The following ARHGAP22 variants were observed in gnomAD, a reference collection of about 807,000 sequenced individuals.
The protein encoded by ARHGAP22 is rho GTPase-activating protein 22.
Under a neutral mutation model 59.1 loss-of-function variants are expected in ARHGAP22, and 48 were observed. The ratio of observed to expected loss-of-function variants is 0.81; its 90% CI spans 0.64 to 1.03. The LOEUF is 1.03. Among genes scored for constraint, ARHGAP22 ranks in the 50% least tolerant of loss-of-function variants. ARHGAP22 has a pLI of 0.00. For missense variants in ARHGAP22, 1,015 were observed against 958.7 expected, an observed-to-expected ratio of 1.06 and a Z score of -0.78; for synonymous variants, 445 against 416.4, an observed-to-expected ratio of 1.07 and a Z score of -0.84.
intron 2 of ARHGAP22, among the ~76,000 whole-genome samples, chr10:48,568,189 A>G: frequency 6.6e-6 from 1 of 152,144 alleles, no homozygotes; most frequent in East Asian, 1.9e-4. Flanking sequence ...GTTCTGGCTC[A>G]AGCTGTGATG....
At chr10:48,464,624 G>A (rs565762785) in intron 4 of ARHGAP22, among the ~76,000 whole-genome samples, 1 of 152,316 alleles carries the variant, frequency 6.6e-6, no homozygotes, top group South Asian at 2.1e-4. Context: ...CTGAGGTGGG[G>A]ACACGGGAAA....
chr10:48,523,098 CG>C (rs1418121534), intron 3 of ARHGAP22, among the ~76,000 whole-genome samples: 2 of 152,224 alleles, frequency 1.3e-5, no homozygotes, highest in Non-Finnish European at 2.9e-5. Flanking sequence ...ATACACTTTT[CG>C]GAGGAAGGAA....
chr10:48,608,640 G>A (rs1026756858), upstream of ARHGAP22, among the ~76,000 whole-genome samples: 14 of 152,234 alleles, frequency 9.2e-5, no homozygotes, highest in East Asian at 1.2e-3. Flanking sequence ...GGTCGATGCC[G>A]CAGCTCCCTT....
intron 1 of ARHGAP22, among the ~76,000 whole-genome samples, chr10:48,602,374 C>A (rs896788020): frequency 4.0e-5 from 6 of 151,408 alleles, no homozygotes; most frequent in Non-Finnish European, 8.8e-5. Flanking sequence ...TTAATAGCAT[C>A]AACAATTTTA....
At chr10:48,599,364 T>G (rs554296164) in intron 1 of ARHGAP22, among the ~76,000 whole-genome samples, 1 of 152,376 alleles carries the variant, frequency 6.6e-6, no homozygotes, top group South Asian at 2.1e-4. Flanking sequence ...TCATTTCATG[T>G]GCTGTGCTTG....
intron 3 of ARHGAP22, among the ~76,000 whole-genome samples, chr10:48,530,261 A>AAAAAAAAAC (rs2054708242): frequency 7.0e-6 from 1 of 141,996 alleles, no homozygotes; most frequent in Non-Finnish European, 1.5e-5. Flanking sequence ...AAAAAAAAAA[A>AAAAAAAAAC]TCAACTCAAG....
the ARHGAP22 span, chr10:48,439,367 G>GT: frequency 6.6e-6 from 1 of 151,386 alleles, no homozygotes; most frequent in African/African-American, 2.4e-5. Context: ...GAAATTAAGA[G>GT]TTTTTTCATT....
intron 1 of ARHGAP22, among the ~76,000 whole-genome samples, chr10:48,586,147 A>G (rs10491038): frequency 0.076 from 11,597 of 152,174 alleles, 483 homozygotes; most frequent in Middle Eastern, 0.11. Flanking sequence ...CACACCGTAC[A>G]TTGCTTTTAG....
At chr10:48,641,000 T>C (rs2136154185) in intron 1 of ARHGAP22, among the ~76,000 whole-genome samples, 1 of 152,282 alleles carries the variant, frequency 6.6e-6, no homozygotes, top group South Asian at 2.1e-4. Flanking sequence ...GAAGCTGTCT[T>C]GGAGCAAAAG....
intron 2 of ARHGAP22, among the ~76,000 whole-genome samples, chr10:48,567,406 C>G (rs181937231): frequency 2.4e-4 from 36 of 152,266 alleles, no homozygotes; most frequent in African/African-American, 7.9e-4. Context: ...TTGGTGGCAG[C>G]CCAGGGCTGG....
chr10:48,556,493 A>G (rs2057853087), intron 2 of ARHGAP22: 1 of 152,118 alleles, frequency 6.6e-6, no homozygotes, highest in Admixed American at 6.5e-5. Context: ...CAGACTTGGT[A>G]TGGCTTCACT....
At chr10:48,642,015 G>A (rs1024955200) in intron 1 of ARHGAP22, among the ~76,000 whole-genome samples, 15 of 152,130 alleles carry the variant, frequency 9.9e-5, no homozygotes, top group Non-Finnish European at 1.9e-4. Context: ...AAATACCTAG[G>A]AATCCAGCTT....
chr10:48,583,060 A>C lies in ARHGAP22; in HGVS notation c.127T>G (p.Trp43Gly). Residue 43 changes from tryptophan (W) to glycine (G), a missense_variant, in exon 2 of 10, where the codon TGG becomes GGG. By Grantham distance (184) the Trp-to-Gly change is radical. Transcript: ENST00000249601. ...HRLGPVLKAG[W>G]LKKQRSIMKN... Reference sequence around the variant, plus strand: ...ATGATGCTCCTCTGCTTCTTCAGCCAGCCCGCCTTCAGCACGGGGCCCAGC... The same window carrying C: ...ATGATGCTCCTCTGCTTCTTCAGCCCGCCCGCCTTCAGCACGGGGCCCAGC... 1 of 1,614,284 alleles carries C rather than the reference A, an allele frequency of 6.2e-7. No homozygotes were observed. The highest frequency in any genetic ancestry group is 8.5e-7 in the Non-Finnish European group (1 of 1,180,050).
At chr10:48,589,114 C>A (rs2059604906) in intron 1 of ARHGAP22, among the ~76,000 whole-genome samples, 1 of 152,136 alleles carries the variant, frequency 6.6e-6, no homozygotes, top group Non-Finnish European at 1.5e-5. Context: ...CCTTCCTCAC[C>A]CCCCAGTCCC....
At position 48,464,071 on chromosome 10, in the gene ARHGAP22, C is replaced by T. The variant is rs138241722; in HGVS notation, c.452-4180G>A. On this transcript the variant is annotated intron_variant, in intron 4 of 9. Coordinates refer to ENST00000249601, the MANE Select transcript of ARHGAP22 (RefSeq NM_021226.4). The stretch of plus-strand genomic sequence containing the variant: ...CCCAAAACTCCTGCTGTCTGTCTGT[C>T]CATCCACCTTTCCATAACCCCTATA... Among the ~76,000 whole-genome samples, 1,231 of 152,310 alleles carry T rather than the reference C, an allele frequency of 8.1e-3. 13 individuals carry two copies. Among genetic ancestry groups the T allele is most frequent in the African/African-American group, 0.028 (1,182 of 41,562 alleles).
chr10:48,647,506 C>A (rs905641872), intron 1 of ARHGAP22, among the ~76,000 whole-genome samples: 1 of 152,110 alleles, frequency 6.6e-6, no homozygotes, highest in Non-Finnish European at 1.5e-5. Context: ...CAATAAAATA[C>A]CACTTTACAC....
chr10:48,503,911 T>C (rs1239150507), intron 3 of ARHGAP22, among the ~76,000 whole-genome samples: 1 of 152,260 alleles, frequency 6.6e-6, no homozygotes, highest in Non-Finnish European at 1.5e-5. Flanking sequence ...CCGGCTGGCC[T>C]GTGCCTTTCT....
chr10:48,464,940 C>A (rs1192063088), intron 4 of ARHGAP22, among the ~76,000 whole-genome samples: 1 of 151,990 alleles, frequency 6.6e-6, no homozygotes, highest in African/African-American at 2.4e-5. Context: ...AGGTCTCATT[C>A]CAGCTTAGCC....
chr10:48,504,603 G>A (rs2051887196), intron 3 of ARHGAP22, among the ~76,000 whole-genome samples: 2 of 152,222 alleles, frequency 1.3e-5, no homozygotes, highest in South Asian at 2.1e-4. Flanking sequence ...ACAAAAGGAT[G>A]AGCAGGGGAG....
Sources: gnomAD v4.1 joint callset for allele counts (sites outside exome capture counted in the v4.1 genomes callset) on GRCh38, gnomAD v4.1.1 for gene constraint, MANE v1.5 for transcripts, NCBI Gene and HGNC (gene_info 2026-07-23, HGNC 2026-07-21) for gene names.